The following GRID2IP variants were observed in gnomAD, a reference collection of about 807,000 sequenced individuals.
The protein encoded by GRID2IP is Grid2 interacting protein.
Under a neutral mutation model 114.3 loss-of-function variants are expected in GRID2IP, and 78 were observed. The ratio of observed to expected loss-of-function variants is 0.68; its 90% CI spans 0.57 to 0.82. GRID2IP has a LOEUF of 0.82. Among genes scored for constraint, GRID2IP ranks in the 40% least tolerant of loss-of-function variants. The pLI, the probability that GRID2IP is intolerant of heterozygous loss-of-function variation, is 0.00. For missense variants in GRID2IP, 1,727 were observed against 1,678.5 expected (o/e 1.03, Z -0.51); for synonymous variants, 809 against 724.0 (o/e 1.12, Z -1.89).
rs891970252 is a variant in GRID2IP at position 6,548,683 on chromosome 7, GA to G, written c.429+2324del. On this transcript the variant is annotated intron_variant, in intron 1 of 21. Transcript: ENST00000457091. The stretch of plus-strand genomic sequence containing the variant: ...AAACCCCATCTCTACTAAGAATACA[GA>G]AAAAAAAAATAGCTGGCCATGGTGG... 1.7e-3 allele frequency among the ~76,000 whole-genome samples: 258 copies of G among 147,824 alleles called. 3 individuals carry two copies. Among genetic ancestry groups the G allele is most frequent in the Admixed American group, 8.5e-3 (126 of 14,810 alleles).
intron 14 of GRID2IP, among the ~76,000 whole-genome samples, chr7:6,505,296 G>A (rs1294587938): frequency 6.6e-6 from 1 of 151,330 alleles, no homozygotes; most frequent in Admixed American, 6.6e-5. Flanking sequence ...ACATCACAGA[G>A]TTGCCATGGG....
rs1779394555 is a variant in GRID2IP, at chr7:6,520,667, C to T, written c.1179G>A (p.Gly393=). The T allele has an allele frequency of 1.3e-6, 2 of 1,551,718 alleles. No individual in the cohort carries two copies. The highest frequency in any genetic ancestry group is 1.4e-5 in the African/African-American group (1 of 73,190). The change falls in exon 7 of 22, where the codon GGG becomes GGA. Residue 393 remains glycine, a synonymous_variant. Transcript: ENST00000457091. This position sits in a 1 kb window ranked among gnomAD's most constrained non-coding sequence, Gnocchi z 4.6. The stretch of plus-strand genomic sequence containing the variant: ...GCTCCAGCTGCTGGCTGAAGGTCCT[C>T]CCTTGGACCCGGATGCTGGACGGCA... ...EILPSSIRVQ[G]RTFSQQLEHL...
chr7:6,546,183 C>T (rs943327954), intron 1 of GRID2IP, among the ~76,000 whole-genome samples: 1 of 151,684 alleles, frequency 6.6e-6, no homozygotes, highest in Non-Finnish European at 1.5e-5. Flanking sequence ...ACCAGTCTGG[C>T]GCAGTGGCTC....
chr7:6,511,907 CT>C (rs1779176798), intron 8 of GRID2IP, among the ~76,000 whole-genome samples: 1 of 150,438 alleles, frequency 6.6e-6, no homozygotes, highest in Non-Finnish European at 1.5e-5. Flanking sequence ...CTGTCTCTTT[CT>C]CTCTTTCTCT....
intron 18 of GRID2IP, among the ~76,000 whole-genome samples, 182 bp downstream of exon 18, chr7:6,502,589 CCCCCACCCCACCCCA>C (rs761207183): frequency 2.7e-5 from 4 of 150,184 alleles, no homozygotes; most frequent in East Asian, 4.0e-4. Flanking sequence ...GGAGTGTGTT[CCCCCACCCCACCCCA>C]CCCCACCCCA....
intron 7 of GRID2IP, 68 bp from the exon 8 acceptor site, chr7:6,514,597 A>T: frequency 5.2e-6 from 7 of 1,358,110 alleles, no homozygotes; most frequent in Non-Finnish European, 6.8e-6. Context: ...GAGTGGGGGT[A>T]GACAAGACGG....
chr7:6,549,745 T>C (rs1779941438), intron 1 of GRID2IP, among the ~76,000 whole-genome samples: 1 of 151,894 alleles, frequency 6.6e-6, no homozygotes, highest in African/African-American at 2.4e-5. Context: ...CTCAACACCC[T>C]TGAGTATCTG....
chr7:6,499,325 C>T (rs75389995), intron 20 of GRID2IP, among the ~76,000 whole-genome samples: 1 of 152,188 alleles, frequency 6.6e-6, no homozygotes, highest in Non-Finnish European at 1.5e-5. Context: ...CAGAGGGTAA[C>T]TGACTTGCCC....
At chr7:6,538,363 C>T (rs967856619) in intron 2 of GRID2IP, among the ~76,000 whole-genome samples, 1 of 129,468 alleles carries the variant, frequency 7.7e-6, no homozygotes, top group Admixed American at 9.5e-5. Context: ...GAGACCCTGT[C>T]TCAAAACAAA....
intron 2 of GRID2IP, among the ~76,000 whole-genome samples, chr7:6,529,695 G>A (rs1354300620): frequency 6.6e-6 from 1 of 152,118 alleles, no homozygotes; most frequent in East Asian, 1.9e-4. Context: ...CAGGAGCAGT[G>A]GGGCCACAGT....
chr7:6,547,905 C>T (rs193140265), intron 1 of GRID2IP, among the ~76,000 whole-genome samples: 1 of 152,278 alleles, frequency 6.6e-6, no homozygotes, highest in Admixed American at 6.5e-5. Flanking sequence ...TAGTCAAACT[C>T]CGACAAAGTT....
chr7:6,526,889 G>T lies in GRID2IP; in HGVS notation c.585-120C>A. 1 of 1,167,936 alleles carries T rather than the reference G, an allele frequency of 8.6e-7. No homozygotes were observed. Among genetic ancestry groups the T allele is most frequent in the Non-Finnish European group, 1.1e-6 (1 of 892,012 alleles). The allele number at this position is 1,167,936 out of a possible 1,614,324, so 72.3% of individuals were successfully genotyped here. A position where few individuals can be genotyped will look rare whatever the true frequency, so the allele number is the denominator to read the frequency against. ...GGCTCTCCCACCTCTTCCTAGGAGT[G>T]GCGGAGGGCTGGGGGGATCGGGATG... On this transcript the variant is annotated intron_variant, in intron 2 of 21. Coordinates refer to ENST00000457091, the MANE Select transcript of GRID2IP (RefSeq NM_001145118.2). The surrounding 1 kb of genome is among the most constrained non-coding windows in gnomAD (Gnocchi z 7.6).
intron 2 of GRID2IP, chr7:6,531,045 GC>G: frequency 1.6e-6 from 1 of 642,742 alleles, no homozygotes; most frequent in Non-Finnish European, 2.8e-6. Context: ...TCCCGGAGGC[GC>G]GGGACGCGAT....
At chr7:6,539,157 C>A (rs2010023) in intron 2 of GRID2IP, among the ~76,000 whole-genome samples, 45 of 147,748 alleles carry the variant, frequency 3.0e-4, no homozygotes, top group African/African-American at 1.1e-3. Flanking sequence ...GAGACAGTGT[C>A]TTGCTCTGTC....
chr7:6,546,707 C>T (rs573340325), intron 1 of GRID2IP, among the ~76,000 whole-genome samples: 8 of 152,128 alleles, frequency 5.3e-5, no homozygotes, highest in Non-Finnish European at 7.4e-5. Context: ...TCCACTTCCC[C>T]GTTCCTCCTT....
In GRID2IP at chr7:6,503,068, T is replaced by A. The variant is rs890033147; in HGVS notation, c.3003A>T (p.Glu1001Asp). 6.4e-7 allele frequency: 1 copy of A among 1,551,408 alleles called. No individual in the cohort carries two copies. Among genetic ancestry groups the A allele is most frequent in the Non-Finnish European group, 8.7e-7 (1 of 1,146,938 alleles). Residue 1001 changes from glutamate (E) to aspartate (D), a missense_variant, in exon 17 of 22, where the codon GAA becomes GAT. Physicochemically the swap from Glu to Asp is conservative, Grantham distance 45. Transcript: ENST00000457091. ...EKTEEIRGSLECLRQASLELK... is the reference protein window; with the variant it reads ...EKTEEIRGSLDCLRQASLELK... The stretch of plus-strand genomic sequence containing the variant: ...GCTCCAGGGAGGCCTGGCGCAAGCA[T>A]TCAAGGCTGCCTCGGATCTCCTCTG...
At chr7:6,542,289 G>C (rs1346504110) in intron 1 of GRID2IP, among the ~76,000 whole-genome samples, 1 of 89,516 alleles carries the variant, frequency 1.1e-5, no homozygotes, top group African/African-American at 4.0e-5. Flanking sequence ...TAGGCAACAA[G>C]AGCAAAAACT....
intron 4 of GRID2IP, among the ~76,000 whole-genome samples, chr7:6,524,138 T>C (rs1270853283): frequency 1.3e-5 from 2 of 152,032 alleles, no homozygotes; most frequent in African/African-American, 4.8e-5. Context: ...CTGGGACTAC[T>C]GGCCTCAGTT....
At chr7:6,505,774 G>T in intron 14 of GRID2IP, 46 bp downstream of exon 14, 1 of 1,260,460 alleles carries the variant, frequency 7.9e-7, no homozygotes, top group Non-Finnish European at 1.1e-6. Context: ...GGCTGCCACA[G>T]ATGGTGTGGT....
Sources: gnomAD v4.1 joint callset for allele counts (sites outside exome capture counted in the v4.1 genomes callset) on GRCh38, gnomAD v4.1.1 for gene constraint, Gnocchi (gnomAD v3.1) non-coding constraint, MANE v1.5 for transcripts, NCBI Gene and HGNC (gene_info 2026-07-23, HGNC 2026-07-21) for gene names.